Variants in WDR72 observed in about 807,000 individuals in gnomAD.
WDR72 encodes the protein WD repeat domain 72, also known as WD repeat-containing protein 72.
In WDR72, 120 loss-of-function variants were observed where a neutral mutation model predicts 124.2. The ratio of observed to expected loss-of-function variants is 0.97; its 90% confidence interval spans 0.83 to 1.12. WDR72 has a LOEUF of 1.12. Ranked by LOEUF, WDR72 falls within the 50% of genes most tolerant of loss-of-function variation. The pLI, the probability that WDR72 is intolerant of heterozygous loss-of-function variation, is 0.00. For missense variants in WDR72, 1,387 were observed against 1,278.8 expected (o/e 1.08, Z -1.29); for synonymous variants, 452 against 441.7 (o/e 1.02, Z -0.29).
intron 14 of WDR72, among the ~76,000 whole-genome samples, chr15:53,639,980 A>G (rs1214286604): frequency 6.6e-6 from 1 of 152,208 alleles, no homozygotes; most frequent in Admixed American, 6.5e-5. Context: ...CAACATATTA[A>G]ATTTCATAAC....
chr15:53,652,783 T>C (rs2015287177), intron 14 of WDR72, among the ~76,000 whole-genome samples: 2 of 152,226 alleles, frequency 1.3e-5, no homozygotes, highest in African/African-American at 4.8e-5. Context: ...AATAAGCCAT[T>C]TTAACCACAT....
At chr15:53,719,503 G>T (rs1031671087) in intron 3 of WDR72, among the ~76,000 whole-genome samples, 1 of 152,156 alleles carries the variant, frequency 6.6e-6, no homozygotes, top group Non-Finnish European at 1.5e-5. Flanking sequence ...ATCTCCACCT[G>T]TGTGACTTTC....
intron 14 of WDR72, among the ~76,000 whole-genome samples, chr15:53,644,935 C>G (rs2014989126): frequency 6.6e-6 from 1 of 152,104 alleles, no homozygotes; most frequent in African/African-American, 2.4e-5. Context: ...CATCCATTTT[C>G]AGCTAAGTGT....
At chr15:53,585,926 T>TCTCAC (rs2012188148) in intron 18 of WDR72, among the ~76,000 whole-genome samples, 2 of 152,028 alleles carry the variant, frequency 1.3e-5, no homozygotes, top group African/African-American at 4.8e-5. Flanking sequence ...GCCACAAAAT[T>TCTCAC]ATTCTCCAAC....
intron 1 of WDR72, among the ~76,000 whole-genome samples, chr15:53,734,509 C>G (rs939485504): frequency 9.2e-5 from 14 of 152,198 alleles, no homozygotes; most frequent in African/African-American, 3.4e-4. Context: ...TGCATTATAC[C>G]TATTTTTAAG....
chr15:53,656,238 A>T (rs907213700), intron 14 of WDR72, among the ~76,000 whole-genome samples: 1 of 152,318 alleles, frequency 6.6e-6, no homozygotes, highest in African/African-American at 2.4e-5. Context: ...GAATTATATA[A>T]GCTATATAGT....
intron 18 of WDR72, among the ~76,000 whole-genome samples, chr15:53,549,363 T>TA (rs1295461458): frequency 6.6e-6 from 1 of 152,180 alleles, no homozygotes; most frequent in Non-Finnish European, 1.5e-5. Context: ...GTGTAGCTGA[T>TA]AGACTCTGCT....
chr15:53,588,259 G>C (rs1037312513), intron 18 of WDR72, among the ~76,000 whole-genome samples: 3 of 151,922 alleles, frequency 2.0e-5, no homozygotes, highest in African/African-American at 7.2e-5. Context: ...TACACCATGT[G>C]GTCCATTTGC....
chr15:53,590,279 C>G (rs2012431549), intron 18 of WDR72, among the ~76,000 whole-genome samples: 1 of 151,946 alleles, frequency 6.6e-6, no homozygotes, highest in African/African-American at 2.4e-5. Flanking sequence ...TAGCATTTAC[C>G]AGATGGCTTT....
chr15:53,748,905 A>G (rs187515796), intron 1 of WDR72, among the ~76,000 whole-genome samples: 24 of 152,256 alleles, frequency 1.6e-4, no homozygotes, highest in African/African-American at 5.1e-4. Context: ...AAAAATATTT[A>G]TTATCTGCTA....
At chr15:53,611,581 G>A (rs1371781497) in intron 16 of WDR72, among the ~76,000 whole-genome samples, 1 of 152,016 alleles carries the variant, frequency 6.6e-6, no homozygotes, top group East Asian at 1.9e-4. Flanking sequence ...ACCCAGACTG[G>A]GGCTATTTAG....
chr15:53,610,780 G>T (rs906078515), intron 16 of WDR72, among the ~76,000 whole-genome samples: 5 of 152,018 alleles, frequency 3.3e-5, no homozygotes, highest in African/African-American at 1.2e-4. Flanking sequence ...TATGGTAGAA[G>T]ATTATAATTT....
At chr15:53,704,834 C>T (rs1240338756) in intron 11 of WDR72, among the ~76,000 whole-genome samples, 154 bp downstream of exon 11, 1 of 127,356 alleles carries the variant, frequency 7.9e-6, no homozygotes. Flanking sequence ...AAAAAAAAAC[C>T]TATATGTATG....
chr15:53,743,848 G>A (rs574170349), intron 1 of WDR72, among the ~76,000 whole-genome samples: 24 of 152,058 alleles, frequency 1.6e-4, no homozygotes, highest in South Asian at 6.2e-4. Context: ...GGTGGTGGGC[G>A]CCTGTAGTCC....
chr15:53,711,356 G>C lies in WDR72; in HGVS notation c.837C>G (p.Tyr279Ter), dbSNP rs1457954173. Residue 279 changes from tyrosine to a stop codon, truncating the protein, a stop_gained, in exon 8 of 20, where the codon TAC becomes TAG. Transcript: ENST00000360509. LOFTEE classifies it high-confidence loss of function. ...CCCACCTGTTCAGCAGCTGATAGAT[G>C]TAACTGTGACCATCTTCTGTCCAGA... ...ILIWTEDGHS[Y>*]IYQLLNSGLS... is the part of the protein sequence containing the mutation. The C allele has an allele frequency of 6.2e-7, 1 of 1,614,168 alleles. No homozygotes were observed. The highest frequency in any genetic ancestry group is 8.5e-7 in the Non-Finnish European group (1 of 1,180,034).
chr15:53,761,244 A>G (rs1358571394), upstream of WDR72, among the ~76,000 whole-genome samples: 1 of 152,222 alleles, frequency 6.6e-6, no homozygotes, highest in Non-Finnish European at 1.5e-5. Flanking sequence ...CATCAGAGAA[A>G]TGCAAATCAA....
intron 17 of WDR72, among the ~76,000 whole-genome samples, chr15:53,606,864 G>T (rs1289540941): frequency 6.6e-6 from 1 of 152,098 alleles, no homozygotes; most frequent in East Asian, 1.9e-4. Context: ...GATGTGGTCA[G>T]GCTGGGGAAA....
chr15:53,680,957 C>T (rs774462080), intron 13 of WDR72, among the ~76,000 whole-genome samples: 1 of 152,210 alleles, frequency 6.6e-6, no homozygotes, highest in South Asian at 2.1e-4. Flanking sequence ...AAGATAAAAT[C>T]TGACATTCCC....
intron 18 of WDR72, among the ~76,000 whole-genome samples, chr15:53,571,644 C>G (rs1894529745): frequency 6.6e-6 from 1 of 152,108 alleles, no homozygotes; most frequent in African/African-American, 2.4e-5. Context: ...GATCCCATAT[C>G]TTGGCAATTG....
Sources: allele counts gnomAD v4.1 joint callset (sites outside exome capture counted in the v4.1 genomes callset), GRCh38; gene constraint gnomAD v4.1.1; transcripts MANE v1.5; gene names NCBI Gene and HGNC (gene_info 2026-07-23, HGNC 2026-07-21).